Variants in LOXL1 observed in about 807,000 individuals in gnomAD.
The protein encoded by LOXL1 is lysyl oxidase like 1.
A neutral mutation model predicts 62.2 loss-of-function variants in LOXL1; 31 were observed. The ratio of observed to expected loss-of-function variants is 0.50; its 90% CI spans 0.37 to 0.67. LOXL1 has a LOEUF of 0.67. LOXL1 is among the 30% of genes least tolerant of loss of function. The pLI is 0.00. For synonymous variants in LOXL1, 403 were observed against 384.4 expected, an observed-to-expected ratio of 1.05 and a Z score of -0.56; for missense variants, 775 against 843.4, an observed-to-expected ratio of 0.92 and a Z score of 1.00.
chr15:73,927,971 C>G, intron 1 of LOXL1, 86 bp downstream of exon 1: 2 of 1,192,256 alleles, frequency 1.7e-6, no homozygotes, highest in Non-Finnish European at 2.1e-6. Context: ...CTCCTTAGAA[C>G]TTCCTGGAGG....
At chr15:73,946,390 C>A (rs749821534) in intron 2 of LOXL1, 27 bp from the exon 3 acceptor site, 1 of 1,524,966 alleles carries the variant, frequency 6.6e-7, no homozygotes, top group Non-Finnish European at 9.1e-7. Flanking sequence ...CCCCAACCCC[C>A]CCTCATCTCC....
rs1278519252 is a variant in LOXL1, at chr15:73,926,612, A to C, written c.-172A>C. On this transcript the variant is annotated 5_prime_UTR_variant, in exon 1 of 7. Transcript: ENST00000261921. ...GCCCTGCCCTGACCCCTTGGCCTTG[A>C]AATGCTGTCATCGGAGGAGCCGTCC... 2 of 720,008 alleles carry C rather than the reference A, an allele frequency of 2.8e-6. No homozygotes were observed. Among genetic ancestry groups the C allele is most frequent in the Non-Finnish European group, 4.0e-6 (2 of 498,254 alleles). 44.6% of individuals were successfully genotyped at this position (720,008 alleles called of 1,614,324 possible). A position where few individuals can be genotyped will look rare whatever the true frequency, so the allele number is the denominator to read the frequency against.
intron 1 of LOXL1, chr15:73,941,949 T>C: frequency 3.6e-6 from 1 of 274,916 alleles, no homozygotes; most frequent in South Asian, 2.9e-5. Context: ...GGCCCCGGGC[T>C]CTGGCACATC....
chr15:73,949,726 G>T, intron 6 of LOXL1, 152 bp downstream of exon 6: 1 of 635,768 alleles, frequency 1.6e-6, no homozygotes, highest in Non-Finnish European at 2.8e-6. Flanking sequence ...AGCCTTGTCC[G>T]TGCCAACCCC....
At chr15:73,942,133 G>T (rs149846419) in intron 1 of LOXL1, 16 of 154,354 alleles carry the variant, frequency 1.0e-4, no homozygotes, top group Non-Finnish European at 2.3e-4. Flanking sequence ...GTGGTGGCAG[G>T]TGATGGGGGG....
At chr15:73,947,484 C>T (rs779038229) in intron 4 of LOXL1, 21 of 507,848 alleles carry the variant, frequency 4.1e-5, no homozygotes, top group East Asian at 1.6e-4. Flanking sequence ...GAGAGCAACA[C>T]GTCCTATTGG....
rs1420293953 is a variant in LOXL1 at position 73,945,846 on chromosome 15, G to T, written c.1212-571G>T. ...AGTCTCCAAGTAGCTGGGACTACAG[G>T]CATAAGCCACCTTACCTGGCTAATT... On this transcript the variant is annotated intron_variant, in intron 2 of 6. Transcript: ENST00000261921. This position sits in a 1 kb window ranked among gnomAD's most constrained non-coding sequence, Gnocchi z 4.3. 6.6e-6 allele frequency among the ~76,000 whole-genome samples: 1 copy of T among 151,930 alleles called. No homozygotes were observed. Among genetic ancestry groups the T allele is most frequent in the Non-Finnish European group, 1.5e-5 (1 of 67,968 alleles).
intron 1 of LOXL1, among the ~76,000 whole-genome samples, chr15:73,941,019 C>T (rs1316826280): frequency 6.6e-6 from 1 of 152,042 alleles, no homozygotes; most frequent in African/African-American, 2.4e-5. Context: ...TCTTAAGGCC[C>T]AGCTACCCCA....
At chr15:73,942,765 A>T in intron 1 of LOXL1, 89 bp from the exon 2 acceptor site, 1 of 798,098 alleles carries the variant, frequency 1.3e-6, no homozygotes, top group Non-Finnish European at 2.2e-6. Flanking sequence ...GGGTGTGAGG[A>T]GGTCTCTGGG....
At chr15:73,929,467 T>A (rs1187725576) in intron 1 of LOXL1, among the ~76,000 whole-genome samples, 1 of 152,194 alleles carries the variant, frequency 6.6e-6, no homozygotes, top group Non-Finnish European at 1.5e-5. Context: ...TCTCCCTGGG[T>A]ACTGCTGGAG....
chr15:73,933,989 C>G (rs2068653135), intron 1 of LOXL1, among the ~76,000 whole-genome samples: 1 of 152,228 alleles, frequency 6.6e-6, no homozygotes, highest in African/African-American at 2.4e-5. Flanking sequence ...TGCTGATGGG[C>G]ACCCAGAAAC....
At position 73,927,543 on chromosome 15, in the gene LOXL1, G is replaced by A; in HGVS notation, c.760G>A (p.Ala254Thr). 7.7e-7 allele frequency: 1 copy of A among 1,292,994 alleles called. No homozygotes were observed. Among genetic ancestry groups the A allele is most frequent in the Non-Finnish European group, 1.0e-6 (1 of 998,858 alleles). The allele number at this position is 1,292,994 out of a possible 1,614,324, so 80.1% of individuals were successfully genotyped here. ...PEYPPQGFYP[A>T]PERPYVPPPP... ...GTACCCGCCTCAGGGCTTCTACCCG[G>A]CCCCCGAGAGGCCCTACGTGCCGCC... Residue 254 changes from alanine (A) to threonine (T), a missense_variant, in exon 1 of 7, where the codon GCC becomes ACC. Physicochemically the swap from Ala to Thr is moderately conservative, Grantham distance 58. Coordinates refer to ENST00000261921, the MANE Select transcript of LOXL1 (RefSeq NM_005576.4).
intron 1 of LOXL1, among the ~76,000 whole-genome samples, chr15:73,932,244 A>G (rs1051608983): frequency 1.3e-5 from 2 of 152,054 alleles, no homozygotes; most frequent in Admixed American, 1.3e-4. Flanking sequence ...GTTATACATC[A>G]TCTCCTTTAA....
chr15:73,933,370 CTG>C (rs2068648759), intron 1 of LOXL1, among the ~76,000 whole-genome samples: 2 of 152,300 alleles, frequency 1.3e-5, no homozygotes, highest in South Asian at 4.1e-4. Flanking sequence ...GTTTTATATT[CTG>C]TGTCACCTGT....
intron 1 of LOXL1, among the ~76,000 whole-genome samples, chr15:73,933,832 G>A (rs1033972288): frequency 5.3e-5 from 8 of 152,372 alleles, no homozygotes; most frequent in African/African-American, 1.7e-4. Context: ...AGTCAGGGTT[G>A]GGATGCTGGA....
intron 4 of LOXL1, 102 bp from the exon 5 acceptor site, chr15:73,947,705 G>C (rs2068757809): frequency 1.2e-6 from 1 of 818,542 alleles, no homozygotes; most frequent in Non-Finnish European, 2.0e-6. Flanking sequence ...AGGGTCAGGG[G>C]AGAAACCCAG....
At chr15:73,936,877 T>C (rs2068677132) in intron 1 of LOXL1, among the ~76,000 whole-genome samples, 1 of 152,268 alleles carries the variant, frequency 6.6e-6, no homozygotes, top group Non-Finnish European at 1.5e-5. Context: ...GTGAGAGGGC[T>C]CGGGCTCTTG....
chr15:73,936,214 T>C (rs2068671257), intron 1 of LOXL1, among the ~76,000 whole-genome samples: 1 of 152,130 alleles, frequency 6.6e-6, no homozygotes, highest in Admixed American at 6.5e-5. Context: ...ATGGCTGTCC[T>C]AGCTCTCAGG....
intron 5 of LOXL1, 28 bp from the exon 6 acceptor site, chr15:73,949,431 C>T (rs768241264): frequency 6.5e-6 from 9 of 1,393,632 alleles, no homozygotes; most frequent in Non-Finnish European, 1.0e-6. Flanking sequence ...ACTAGACTCC[C>T]TTTCTCCCTG....
Sources: allele counts gnomAD v4.1 joint callset (sites outside exome capture counted in the v4.1 genomes callset), GRCh38; gene constraint gnomAD v4.1.1; non-coding constraint Gnocchi (gnomAD v3.1); transcripts MANE v1.5; gene names NCBI Gene and HGNC (gene_info 2026-07-23, HGNC 2026-07-21).